TENM1: variants seen among roughly 807,000 people sequenced by gnomAD.
The protein encoded by TENM1 is teneurin-1.
Under a neutral mutation model 174.8 loss-of-function variants are expected in TENM1, and 35 were observed. The observed-to-expected ratio is 0.20, with a 90% CI of 0.15 to 0.27. TENM1 has a LOEUF of 0.27. Ranked by LOEUF, TENM1 falls within the 10% of genes least tolerant of loss-of-function variation. The pLI is 1.00. For missense variants in TENM1, 1,633 were observed against 2,130.1 expected (o/e 0.77, Z 4.59); for synonymous variants, 781 against 798.7 (o/e 0.98, Z 0.37).
At chrX:124,487,059 G>A (rs1245992789) in intron 21 of TENM1, 150 bp downstream of exon 24, 1 of 504,175 alleles carries the variant, frequency 2.0e-6, no homozygotes, top group Non-Finnish European at 3.2e-6. Context: ...TCTTTTGGAA[G>A]ACACTTACCT....
intron 1 of TENM1, among the ~76,000 whole-genome samples, chrX:124,961,296 C>T (rs2058648840): frequency 9.0e-6 from 1 of 111,624 alleles, no homozygotes; most frequent in African/African-American, 3.3e-5. Flanking sequence ...CTGTCATGAT[C>T]CCCATCTTTA....
chrX:124,598,246 T>C (rs182352955), intron 11 of TENM1, among the ~76,000 whole-genome samples: 6 of 111,021 alleles, frequency 5.4e-5, no homozygotes, highest in African/African-American at 2.0e-4. Context: ...CTAGTGAGGA[T>C]ATGGACAAAA....
chrX:124,474,671 G>C (rs768827769), intron 22 of TENM1, among the ~76,000 whole-genome samples: 1 of 112,070 alleles, frequency 8.9e-6, no homozygotes, highest in South Asian at 3.7e-4. Context: ...ACAGCTTATG[G>C]CTTTGGGATT....
At chrX:124,516,123 A>G (rs2047698103) in intron 18 of TENM1, among the ~76,000 whole-genome samples, 1 of 112,020 alleles carries the variant, frequency 8.9e-6, no homozygotes, top group Admixed American at 9.5e-5. Flanking sequence ...TTCAAAAAAC[A>G]GTGCTGCAGT....
intron 11 of TENM1, among the ~76,000 whole-genome samples, chrX:124,630,963 C>T (rs1204739394): frequency 8.9e-5 from 10 of 112,020 alleles, no homozygotes; most frequent in Admixed American, 3.8e-4. Flanking sequence ...TGATTTGTAG[C>T]GTAGGCAGGT....
chrX:124,510,867 C>T (rs747251287), intron 18 of TENM1, among the ~76,000 whole-genome samples: 57 of 110,843 alleles, frequency 5.1e-4, no homozygotes, highest in Non-Finnish European at 6.6e-4. Context: ...CTGTTCACTT[C>T]GGTTCTATTA....
intron 3 of TENM1, among the ~76,000 whole-genome samples, chrX:124,862,915 T>C (rs1252487052): frequency 9.3e-6 from 1 of 107,282 alleles, no homozygotes; most frequent in Non-Finnish European, 1.9e-5. Context: ...GGCCTTTGTC[T>C]TGCATCTTGT....
intron 18 of TENM1, among the ~76,000 whole-genome samples, chrX:124,519,025 C>G (rs1376220546): frequency 3.6e-5 from 4 of 111,860 alleles, no homozygotes; most frequent in Non-Finnish European, 7.5e-5. Context: ...ATGTGAAGAG[C>G]TGAGAGAGAG....
At chrX:125,167,252 G>A in the TENM1 span, among the ~76,000 whole-genome samples, 3 of 111,810 alleles carry the variant, frequency 2.7e-5, no homozygotes, top group Non-Finnish European at 5.7e-5. Context: ...TGTGAAAACA[G>A]GAAGCTTGTT....
At chrX:124,885,862 G>A (rs2057375599) in intron 3 of TENM1, among the ~76,000 whole-genome samples, 2 of 111,089 alleles carry the variant, frequency 1.8e-5, no homozygotes, top group Non-Finnish European at 3.8e-5. Flanking sequence ...TAGGATATAT[G>A]AAAACAAATT....
At chrX:124,379,792 T>G (rs1303040691) in exon 32 of TENM1, 1 of 111,666 alleles carries the variant, frequency 9.0e-6, no homozygotes, top group Non-Finnish European at 1.9e-5. Flanking sequence ...CAACTTTTAG[T>G]AAAAAATTGA....
the TENM1 span, among the ~76,000 whole-genome samples, chrX:125,072,647 T>C: frequency 1.8e-5 from 2 of 111,394 alleles, no homozygotes; most frequent in Non-Finnish European, 3.8e-5. Flanking sequence ...CACACCAACA[T>C]GGCACATGTA....
chrX:124,873,494 C>T (rs1010583678), intron 3 of TENM1, among the ~76,000 whole-genome samples: 7 of 111,485 alleles, frequency 6.3e-5, no homozygotes, highest in Non-Finnish European at 1.1e-4. Flanking sequence ...GAAATGGAAT[C>T]GAATAGAAGA....
chrX:125,164,685 A>C, the TENM1 span, among the ~76,000 whole-genome samples: 1 of 112,130 alleles, frequency 8.9e-6, no homozygotes, highest in African/African-American at 3.2e-5. Flanking sequence ...CGGACTAAGA[A>C]TGCACCTAAG....
At chrX:124,719,630 A>G (rs1269872156) in intron 4 of TENM1, among the ~76,000 whole-genome samples, 2 of 111,108 alleles carry the variant, frequency 1.8e-5, no homozygotes, top group Non-Finnish European at 3.8e-5. Flanking sequence ...TTCTCTCCCT[A>G]GTTCCCTGCT....
At chrX:124,920,517 TTCTG>T (rs1272155417) in intron 1 of TENM1, among the ~76,000 whole-genome samples, 5 of 111,638 alleles carry the variant, frequency 4.5e-5, no homozygotes, top group Non-Finnish European at 9.4e-5. Context: ...GCTTTATTCT[TTCTG>T]TAAGATAAAT....
In TENM1 at chrX:124,910,700, C is replaced by T. The variant is rs1023909609; in HGVS notation, c.218-14459G>A. On this transcript the variant is annotated intron_variant, in intron 1 of 31. Coordinates refer to ENST00000422452, the Ensembl canonical transcript of TENM1. ...CTTTTGTCCATCCACTGTCTGTCAC[C>T]CTCTCCCTCCCCATATTCAGCATCA... Among the ~76,000 whole-genome samples the T allele has an allele frequency of 4.5e-5, 5 of 111,105 alleles. No individual in the cohort carries two copies. The Admixed American group carries it at 4.8e-4, about 11-fold the overall frequency.
At chrX:124,747,943 A>G (rs2053964691) in intron 3 of TENM1, among the ~76,000 whole-genome samples, 1 of 111,732 alleles carries the variant, frequency 8.9e-6, no homozygotes, top group Non-Finnish European at 1.9e-5. Context: ...ATTAAAATGC[A>G]AGCATGTATA....
the TENM1 span, among the ~76,000 whole-genome samples, chrX:125,010,580 C>T: frequency 1.8e-5 from 2 of 109,012 alleles, no homozygotes; most frequent in Non-Finnish European, 3.8e-5. Context: ...TTTGGGAGGC[C>T]GAGACGGGCG....
Sources: gnomAD v4.1 joint callset for allele counts (sites outside exome capture counted in the v4.1 genomes callset) on GRCh38, gnomAD v4.1.1 for gene constraint, MANE v1.5 for transcripts, NCBI Gene and HGNC (gene_info 2026-07-23, HGNC 2026-07-21) for gene names.